The following SNRPG variants were observed in gnomAD, a reference collection of about 807,000 sequenced individuals.
SNRPG encodes small nuclear ribonucleoprotein polypeptide G, also known as small nuclear ribonucleoprotein G.
Under a neutral mutation model 13.9 loss-of-function variants are expected in SNRPG, and 3 were observed. That is an observed-to-expected ratio of 0.22 (90% CI 0.10 to 0.56). The LOEUF (loss-of-function observed/expected upper bound fraction) is 0.56. SNRPG is among the 20% of genes least tolerant of loss of function. The probability of loss-of-function intolerance (pLI) is 0.93; values close to 1 mark genes in which losing one functional copy is unlikely to be tolerated. For synonymous variants in SNRPG, 29 were observed against 29.3 expected (o/e 0.99, Z 0.03); for missense variants, 34 against 96.1 (o/e 0.35, Z 2.70).
In SNRPG at chr2:70,292,486, T is replaced by C. The variant is rs565067623; in HGVS notation, c.32+1132A>G. Among the ~76,000 whole-genome samples, 7 of 152,304 alleles carry C rather than the reference T, an allele frequency of 4.6e-5. No individual in the cohort carries two copies. The South Asian group carries it at 1.2e-3, about 27-fold the overall frequency. On this transcript the variant is annotated intron_variant, in intron 1 of 3. Coordinates refer to ENST00000272348, the MANE Select transcript of SNRPG (RefSeq NM_003096.4). The stretch of plus-strand genomic sequence containing the variant: ...CCTCAACCTCCGGAATAGCTGAGAC[T>C]ACAGGCGCACACCACCTGCCTGGCT...
intron 3 of SNRPG, among the ~76,000 whole-genome samples, chr2:70,285,604 A>G (rs1329530780): frequency 6.6e-6 from 1 of 152,106 alleles, no homozygotes; most frequent in Non-Finnish European, 1.5e-5. Flanking sequence ...ACACACAGAA[A>G]TTTGTGCATA....
rs57862220 is a variant in SNRPG at position 70,283,096 on chromosome 2, CAAAAAAAA to C, written c.181-1420_181-1413del. ...GGCAACGAGCGAAACTGTCTTTTGT[CAAAAAAAA>C]AAAAAAAAAAAAAAAAAAAACAACA... On this transcript the variant is annotated intron_variant, in intron 3 of 3. Transcript: ENST00000272348. 1.1e-3 allele frequency among the ~76,000 whole-genome samples: 16 copies of C among 14,044 alleles called. No homozygotes were observed. In the South Asian group the frequency reaches 0.015, roughly 13 times the overall value. 9.2% of individuals were successfully genotyped at this position (14,044 alleles called of 152,430 possible).
Position 70,288,223 on chromosome 2 carries a change from A to G in SNRPG, c.56-31T>C, listed in dbSNP as rs1453499946. 2.5e-6 allele frequency: 4 copies of G among 1,594,072 alleles called. No individual in the cohort carries two copies. In the South Asian group the frequency reaches 4.4e-5, roughly 18 times the overall value. ...AAAAAGAGAAAAAGAAGTTTTAGAA[A>G]AACATTCCATTAGCTACCAAGCATT... On this transcript the variant is annotated intron_variant, in intron 2 of 3. Transcript: ENST00000272348.
At chr2:70,283,114 A>AAAAAAAAAAAAC (rs1696848853) in intron 3 of SNRPG, among the ~76,000 whole-genome samples, 2 of 147,888 alleles carry the variant, frequency 1.4e-5, no homozygotes, top group African/African-American at 5.1e-5. Flanking sequence ...AAAAAAAAAA[A>AAAAAAAAAAAAC]AAAAAAAAAA....
chr2:70,281,607 T>TG lies in SNRPG; in HGVS notation c.*26dup, dbSNP rs1274401864. ...AAACAGGCCCTATGGAGAGAGGACATGGGTTTCTCTGCTGAACAGCCATTA... is the reference window on the plus strand; with the variant it reads ...AAACAGGCCCTATGGAGAGAGGACATGGGGTTTCTCTGCTGAACAGCCATTA... On this transcript the variant is annotated 3_prime_UTR_variant, in exon 4 of 4. Coordinates refer to ENST00000272348, the MANE Select transcript of SNRPG (RefSeq NM_003096.4). 5 of 1,425,814 alleles carry TG rather than the reference T, an allele frequency of 3.5e-6. No homozygotes were observed. The Admixed American group carries it at 9.3e-5, about 27-fold the overall frequency. 88.3% of individuals were successfully genotyped at this position (1,425,814 alleles called of 1,614,324 possible).
Position 70,281,939 on chromosome 2 carries a change from T to G in SNRPG, c.181-255A>C, listed in dbSNP as rs77812044. ...CAATGACTAATTTCACCTTTTTTTT[T>G]GAGACAGTCTCACTCTGTTGCCCAG... On this transcript the variant is annotated intron_variant, in intron 3 of 3. Coordinates refer to ENST00000272348, the MANE Select transcript of SNRPG (RefSeq NM_003096.4). Among the ~76,000 whole-genome samples, 351 of 152,262 alleles carry G rather than the reference T, an allele frequency of 2.3e-3. 2 individuals are homozygous for G. The highest frequency in any genetic ancestry group is 8.0e-3 in the African/African-American group (332 of 41,554).
intron 3 of SNRPG, among the ~76,000 whole-genome samples, chr2:70,284,345 G>A (rs1189558176): frequency 6.6e-6 from 1 of 152,056 alleles, no homozygotes; most frequent in Non-Finnish European, 1.5e-5. Flanking sequence ...GCCAGGAGTA[G>A]AAACATGCTT....
intron 1 of SNRPG, chr2:70,292,928 A>T: frequency 1.8e-6 from 1 of 567,946 alleles, no homozygotes; most frequent in Non-Finnish European, 3.1e-6. Context: ...ACCTAAAGTA[A>T]GGCTCTCCTA....
chr2:70,287,644 C>G (rs1267217530), intron 3 of SNRPG, among the ~76,000 whole-genome samples: 1 of 152,196 alleles, frequency 6.6e-6, no homozygotes, highest in African/African-American at 2.4e-5. Context: ...TACCTGTGAA[C>G]TGGCAGATCT....
intron 1 of SNRPG, among the ~76,000 whole-genome samples, chr2:70,291,122 C>G (rs1358798091): frequency 1.3e-5 from 2 of 151,738 alleles, no homozygotes; most frequent in Non-Finnish European, 1.5e-5. Flanking sequence ...CACACAAGAT[C>G]TTATACAATC....
intron 3 of SNRPG, among the ~76,000 whole-genome samples, chr2:70,283,735 A>G (rs1411495425): frequency 1.3e-5 from 2 of 152,214 alleles, no homozygotes; most frequent in Non-Finnish European, 2.9e-5. Flanking sequence ...ATTATCAGCA[A>G]TGAGTATGAT....
At chr2:70,289,287 C>A in intron 2 of SNRPG, 63 bp downstream of exon 2, 1 of 988,226 alleles carries the variant, frequency 1.0e-6, no homozygotes, top group Non-Finnish European at 1.5e-6. Context: ...CCAAACATTG[C>A]TAAGACACAT....
intron 2 of SNRPG, 38 bp from the exon 3 acceptor site, chr2:70,288,230 C>T (rs757530615): frequency 4.5e-6 from 7 of 1,565,126 alleles, no homozygotes; most frequent in Non-Finnish European, 4.4e-6. Flanking sequence ...GAAAAACATT[C>T]CATTAGCTAC....
In SNRPG at chr2:70,288,001, A is replaced by G. The variant is rs1377167676; in HGVS notation, c.180+67T>C. 7 of 1,480,922 alleles carry G rather than the reference A, an allele frequency of 4.7e-6. No homozygotes were observed. The East Asian group carries it at 1.6e-4, about 34-fold the overall frequency. The allele number at this position is 1,480,922 out of a possible 1,614,324, so 91.7% of individuals were successfully genotyped here. A position where few individuals can be genotyped will look rare whatever the true frequency, so the allele number is the denominator to read the frequency against. On this transcript the variant is annotated intron_variant, in intron 3 of 3. Transcript: ENST00000272348. Reference sequence around the variant, plus strand: ...TTGCCATTTCTGGGGGTTACTAACCAGGAAAGTTAATACACATTCCAAAAG... The same window carrying G: ...TTGCCATTTCTGGGGGTTACTAACCGGGAAAGTTAATACACATTCCAAAAG...
chr2:70,291,014 A>AACAC (rs56202448), intron 1 of SNRPG, among the ~76,000 whole-genome samples: 12,033 of 133,276 alleles, frequency 0.09, 556 homozygotes, highest in Middle Eastern at 0.13. Flanking sequence ...TCCATCTCAA[A>AACAC]ACACACACAC....
At chr2:70,292,866 T>G in intron 1 of SNRPG, 1 of 438,904 alleles carries the variant, frequency 2.3e-6, no homozygotes, top group Non-Finnish European at 4.1e-6. Flanking sequence ...ACATAACCTG[T>G]TAAGTCCACT....
chr2:70,293,263 C>G (rs1157014850), intron 1 of SNRPG: 1 of 701,230 alleles, frequency 1.4e-6, no homozygotes, highest in Admixed American at 2.0e-5. Context: ...GAATTTCCCC[C>G]TCTAGCCGTC....
At chr2:70,293,066 A>G in intron 1 of SNRPG, 1 of 699,032 alleles carries the variant, frequency 1.4e-6, no homozygotes, top group Non-Finnish European at 2.6e-6. Context: ...TCAACATCAG[A>G]GCAAGATAAC....
chr2:70,290,292 G>C (rs547901348), intron 1 of SNRPG, among the ~76,000 whole-genome samples: 4 of 151,988 alleles, frequency 2.6e-5, no homozygotes, highest in African/African-American at 9.7e-5. Flanking sequence ...TTTTATATTT[G>C]AAATAAGTAG....
Sources: gnomAD v4.1 joint callset for allele counts (sites outside exome capture counted in the v4.1 genomes callset) on GRCh38, gnomAD v4.1.1 for gene constraint, MANE v1.5 for transcripts, NCBI Gene and HGNC (gene_info 2026-07-23, HGNC 2026-07-21) for gene names.